SUPT3H: variants seen among roughly 807,000 people sequenced by gnomAD.
SUPT3H encodes the protein SPT3 homolog, SAGA and STAGA complex component.
In SUPT3H, 44 loss-of-function variants were observed where a neutral mutation model predicts 44.3. The ratio of observed to expected loss-of-function variants is 0.99; its 90% CI spans 0.78 to 1.28. The LOEUF (loss-of-function observed/expected upper bound fraction) is 1.28. Among genes scored for constraint, SUPT3H ranks in the 50% most tolerant of loss-of-function variants. The pLI, the probability that SUPT3H is intolerant of heterozygous loss-of-function variation, is 0.00. For synonymous variants in SUPT3H, 124 were observed against 125.6 expected (o/e 0.99, Z 0.09); for missense variants, 380 against 387.1 (o/e 0.98, Z 0.15).
chr6:45,011,728 T>C (rs145302018), intron 5 of SUPT3H, among the ~76,000 whole-genome samples: 35 of 152,216 alleles, frequency 2.3e-4, no homozygotes, highest in African/African-American at 8.4e-4. Context: ...TGAATTCAAA[T>C]TATTTGGTGC....
intron 2 of SUPT3H, among the ~76,000 whole-genome samples, chr6:45,201,576 T>G (rs1423453334): frequency 6.6e-6 from 1 of 151,876 alleles, no homozygotes; most frequent in African/African-American, 2.4e-5. Context: ...TTTCATAACA[T>G]GCATAATCAT....
intron 4 of SUPT3H, among the ~76,000 whole-genome samples, chr6:45,018,706 C>G (rs1336674987): frequency 6.6e-6 from 1 of 152,042 alleles, no homozygotes; most frequent in Non-Finnish European, 1.5e-5. Flanking sequence ...CCCACTTGAT[C>G]ATGGTGGATA....
intron 2 of SUPT3H, among the ~76,000 whole-genome samples, chr6:45,364,496 CACCTTATACAG>C: frequency 6.6e-6 from 1 of 152,270 alleles, no homozygotes; most frequent in South Asian, 2.1e-4. Flanking sequence ...TCTTGCCCCC[CACCTTATACAG>C]ACAAAATTGT....
chr6:45,123,117 T>C (rs868231261), intron 2 of SUPT3H, among the ~76,000 whole-genome samples: 1 of 152,182 alleles, frequency 6.6e-6, no homozygotes, highest in Non-Finnish European at 1.5e-5. Flanking sequence ...AATTTACATA[T>C]AAACTTAATT....
chr6:44,932,476 CAA>C lies in SUPT3H; in HGVS notation c.912+175_912+176del, dbSNP rs561605647. 1.3e-4 allele frequency among the ~76,000 whole-genome samples: 20 copies of C among 152,104 alleles called. No individual in the cohort carries two copies. The East Asian group carries it at 1.5e-3, about 12-fold the overall frequency. ...ATTTTGTAGAAAAAAAGTGTCCTTC[CAA>C]AAAGAGATGAAAATGACTTTCATTT... is the stretch of plus-strand genomic sequence containing the variant. On this transcript the variant is annotated intron_variant, in intron 10 of 10. Coordinates refer to ENST00000371459, the MANE Select transcript of SUPT3H (RefSeq NM_003599.4).
intron 2 of SUPT3H, among the ~76,000 whole-genome samples, chr6:45,191,858 T>C (rs1020104933): frequency 1.3e-5 from 2 of 152,120 alleles, no homozygotes; most frequent in Non-Finnish European, 2.9e-5. Flanking sequence ...ATCCCAGCAC[T>C]TCCAGTGTCT....
chr6:44,864,599 G>A (rs374122062), intron 10 of SUPT3H, among the ~76,000 whole-genome samples: 15 of 152,168 alleles, frequency 9.9e-5, no homozygotes, highest in Non-Finnish European at 1.5e-4. Flanking sequence ...TCAACACCAC[G>A]TGGCAGCTGC....
chr6:45,180,739 A>T (rs1297982194), intron 2 of SUPT3H, among the ~76,000 whole-genome samples: 1 of 152,184 alleles, frequency 6.6e-6, no homozygotes, highest in Admixed American at 6.5e-5. Context: ...AAAGACTTAA[A>T]TGTTAGACCT....
intron 4 of SUPT3H, among the ~76,000 whole-genome samples, chr6:45,015,795 G>GCACACA (rs111999224): frequency 1.5e-3 from 227 of 149,652 alleles, no homozygotes; most frequent in African/African-American, 5.3e-3. Flanking sequence ...ACACACGCGC[G>GCACACA]CGCACACACA....
chr6:45,365,740 T>C (rs928194075), intron 1 of SUPT3H, among the ~76,000 whole-genome samples: 7 of 150,192 alleles, frequency 4.7e-5, no homozygotes, highest in Admixed American at 6.7e-5. Flanking sequence ...AGTTGATATA[T>C]GAAGGTTCCA....
At position 44,869,915 on chromosome 6, in the gene SUPT3H, T is replaced by C. The variant is rs528149885; in HGVS notation, c.913-40058A>G. Among the ~76,000 whole-genome samples the C allele has an allele frequency of 2.0e-5, 3 of 152,366 alleles. No individual in the cohort carries two copies. The South Asian group carries it at 6.2e-4, about 32-fold the overall frequency. On this transcript the variant is annotated intron_variant, in intron 10 of 10. Transcript: ENST00000371459. ...GAATTTCTAGGGAGAATAGTGGAGA[T>C]GAGAAACAATATCTCTTTTCATTTC...
chr6:45,281,051 A>G (rs1777956169), intron 2 of SUPT3H, among the ~76,000 whole-genome samples: 1 of 152,244 alleles, frequency 6.6e-6, no homozygotes, highest in South Asian at 2.1e-4. Context: ...AGCTCATTTC[A>G]AATTAAGCAA....
At chr6:44,852,042 C>T (rs1196978338) in intron 10 of SUPT3H, among the ~76,000 whole-genome samples, 1 of 152,190 alleles carries the variant, frequency 6.6e-6, no homozygotes, top group Non-Finnish European at 1.5e-5. Flanking sequence ...CATCCTCACA[C>T]ATTAGAGGAC....
chr6:44,992,861 T>C lies in SUPT3H; in HGVS notation c.504+10792A>G, dbSNP rs567000018. Among the ~76,000 whole-genome samples, 32 of 152,146 alleles carry C rather than the reference T, an allele frequency of 2.1e-4. 1 individual carries two copies. In the South Asian group the frequency reaches 5.0e-3, roughly 24 times the overall value. Reference sequence around the variant, plus strand: ...TAAGAGATTATATATCCAGAAATGTTAGAGAATGATTAAAAAACAGTGCCA... The same window carrying C: ...TAAGAGATTATATATCCAGAAATGTCAGAGAATGATTAAAAAACAGTGCCA... On this transcript the variant is annotated intron_variant, in intron 6 of 10. Coordinates refer to ENST00000371459, the MANE Select transcript of SUPT3H (RefSeq NM_003599.4).
chr6:45,041,618 C>T (rs1431754112), intron 3 of SUPT3H, among the ~76,000 whole-genome samples: 2 of 152,192 alleles, frequency 1.3e-5, no homozygotes, highest in African/African-American at 4.8e-5. Context: ...AGAAAAATTG[C>T]TTTTGAAACA....
At chr6:45,323,946 G>A (rs1005107831) in intron 2 of SUPT3H, among the ~76,000 whole-genome samples, 1 of 151,926 alleles carries the variant, frequency 6.6e-6, no homozygotes, top group Non-Finnish European at 1.5e-5. Flanking sequence ...GCATAGCTGG[G>A]ATATTATTTT....
At chr6:45,184,775 G>GAAAAAAA (rs55652227) in intron 2 of SUPT3H, among the ~76,000 whole-genome samples, 7 of 128,578 alleles carry the variant, frequency 5.4e-5, no homozygotes, top group Non-Finnish European at 9.8e-5. Flanking sequence ...ACAGGCAGAG[G>GAAAAAAA]AAAAAAAAAA....
chr6:45,001,569 G>T (rs1196828531), intron 6 of SUPT3H, among the ~76,000 whole-genome samples: 1 of 152,000 alleles, frequency 6.6e-6, no homozygotes, highest in Non-Finnish European at 1.5e-5. Context: ...GCTGTTTTTT[G>T]TATGTTTGCT....
chr6:45,278,220 C>A (rs1435081633), intron 2 of SUPT3H, among the ~76,000 whole-genome samples: 1 of 151,994 alleles, frequency 6.6e-6, no homozygotes, highest in Non-Finnish European at 1.5e-5. Context: ...TGCAGCAAAC[C>A]ACCATGGCAC....
Sources: allele counts gnomAD v4.1 joint callset (sites outside exome capture counted in the v4.1 genomes callset), GRCh38; gene constraint gnomAD v4.1.1; transcripts MANE v1.5; gene names NCBI Gene and HGNC (gene_info 2026-07-23, HGNC 2026-07-21).